The following STAU1 variants were observed in gnomAD, a reference collection of about 807,000 sequenced individuals.
The protein encoded by STAU1 is staufen double-stranded RNA binding protein 1.
STAU1 carries 13 observed loss-of-function variants against 62.9 expected under a neutral mutation model. That is an observed-to-expected ratio of 0.21 (90% CI 0.13 to 0.33). The LOEUF (loss-of-function observed/expected upper bound fraction) is 0.33, where lower values mean the gene tolerates loss of function less well. Among genes scored for constraint, STAU1 ranks in the 10% least tolerant of loss-of-function variants. STAU1 has a pLI of 1.00. For missense variants in STAU1, 571 were observed against 712.1 expected, an observed-to-expected ratio of 0.80 and a Z score of 2.25; for synonymous variants, 269 against 265.1, an observed-to-expected ratio of 1.01 and a Z score of -0.14.
intron 8 of STAU1, among the ~76,000 whole-genome samples, 172 bp from the exon 9 acceptor site, chr20:49,120,300 G>A (rs2092436416): frequency 6.6e-6 from 1 of 152,192 alleles, no homozygotes; most frequent in Non-Finnish European, 1.5e-5. Flanking sequence ...TCAGGAGTTT[G>A]GGAAGCTGGC....
chr20:49,208,930 C>CT, the STAU1 span, among the ~76,000 whole-genome samples: 104 of 144,872 alleles, frequency 7.2e-4, no homozygotes, highest in Non-Finnish European at 1.3e-3. Flanking sequence ...CCGATCCTGT[C>CT]TTTTTTTTTT....
intron 4 of STAU1, among the ~76,000 whole-genome samples, chr20:49,152,340 C>CT (rs3092547): frequency 0.34 from 35,124 of 103,816 alleles, 8,584 homozygotes; most frequent in African/African-American, 0.48. Context: ...CCACTAATGT[C>CT]TTTTTTTTTT....
intron 8 of STAU1, 31 bp downstream of exon 8, chr20:49,123,061 G>T: frequency 6.5e-7 from 1 of 1,546,918 alleles, no homozygotes; most frequent in Non-Finnish European, 8.7e-7. Flanking sequence ...GTGGTCAGAG[G>T]AAGGGGCGCC....
At chr20:49,191,309 G>T (rs1191609648), upstream of STAU1, among the ~76,000 whole-genome samples, 2 of 152,088 alleles carry the variant, frequency 1.3e-5, no homozygotes. Context: ...TTACAAGTGT[G>T]AATGTTAACC....
rs2092382205 is a variant in STAU1, at chr20:49,118,407, G to A, written c.1115C>T (p.Thr372Ile). The A allele has an allele frequency of 1.9e-6, 3 of 1,599,514 alleles. No homozygotes were observed. The highest frequency in any genetic ancestry group is 2.2e-5 in the East Asian group (1 of 44,744). Residue 372 changes from threonine to isoleucine, a missense_variant and splice_region_variant, in exon 10 of 14, where the codon ACA becomes ATA. This residue lies in a region of STAU1 where 414 missense variants were observed against 499.6 expected (regional missense o/e 0.83). Transcript: ENST00000371856. ...TCCATCCCCTGGTTTCTTTATGGGT[G>A]TCTTAAAAAAGAAGAAGAAAAAAAA... ...TKPALKSEEK[T>I]PIKKPGDGRK... is the part of the protein sequence containing the mutation.
chr20:49,211,073 T>C, the STAU1 span, among the ~76,000 whole-genome samples: 1 of 152,206 alleles, frequency 6.6e-6, no homozygotes, highest in Non-Finnish European at 1.5e-5. Flanking sequence ...TAAAATAATA[T>C]GTAACCTTTG....
chr20:49,120,135 A>G lies in STAU1; in HGVS notation c.967-7T>C, dbSNP rs1257500741. Reference sequence around the variant, plus strand: ...TGTGGTTTCCAACCTTCACCTGCACAAAGAAGTCAAAACACAGACCAGTGC... The same window carrying G: ...TGTGGTTTCCAACCTTCACCTGCACGAAGAAGTCAAAACACAGACCAGTGC... On this transcript the variant is annotated splice_polypyrimidine_tract_variant and splice_region_variant and intron_variant, in intron 8 of 13. Transcript: ENST00000371856. The G allele has an allele frequency of 1.2e-6, 2 of 1,611,448 alleles. No homozygotes were observed. The highest frequency in any genetic ancestry group is 1.7e-6 in the Non-Finnish European group (2 of 1,178,210).
chr20:49,206,719 T>TTTTA, the STAU1 span, among the ~76,000 whole-genome samples: 1 of 106,058 alleles, frequency 9.4e-6, no homozygotes, highest in African/African-American at 3.7e-5. Flanking sequence ...AAATGAAATT[T>TTTTA]TATATATATA....
At chr20:49,132,070 T>TG (rs981898709) in intron 6 of STAU1, among the ~76,000 whole-genome samples, 66 of 151,010 alleles carry the variant, frequency 4.4e-4, no homozygotes, top group African/African-American at 1.6e-3. Flanking sequence ...TAGCGGAGAA[T>TG]GGGGGGTAGG....
intron 7 of STAU1, 96 bp from the exon 8 acceptor site, chr20:49,123,331 G>A (rs2092512409): frequency 6.5e-7 from 1 of 1,535,896 alleles, no homozygotes; most frequent in Admixed American, 1.7e-5. Flanking sequence ...AAGAGATTTT[G>A]GGTTGACCTA....
chr20:49,203,974 C>T, the STAU1 span, among the ~76,000 whole-genome samples: 1 of 152,122 alleles, frequency 6.6e-6, no homozygotes, highest in African/African-American at 2.4e-5. Flanking sequence ...AGGGCCACCT[C>T]GCCTGGCCAG....
chr20:49,184,660 G>C (rs950460178), intron 1 of STAU1, among the ~76,000 whole-genome samples: 1 of 152,140 alleles, frequency 6.6e-6, no homozygotes, highest in African/African-American at 2.4e-5. Context: ...TATATTTATG[G>C]TAACAATTCT....
upstream of STAU1, among the ~76,000 whole-genome samples, chr20:49,190,570 CA>C (rs2069164116): frequency 6.6e-6 from 1 of 152,110 alleles, no homozygotes; most frequent in South Asian, 2.1e-4. Flanking sequence ...CTCAATCTTC[CA>C]AAGTACTGGG....
At chr20:49,128,771 TCCAA>T (rs1568839963) in intron 6 of STAU1, among the ~76,000 whole-genome samples, 2 of 27,188 alleles carry the variant, frequency 7.4e-5, no homozygotes, top group Non-Finnish European at 1.4e-4. Flanking sequence ...GACATCCAAA[TCCAA>T]AAAAAAAAAA....
At chr20:49,165,464 G>A (rs2093511354) in intron 3 of STAU1, among the ~76,000 whole-genome samples, 2 of 152,116 alleles carry the variant, frequency 1.3e-5, no homozygotes, top group South Asian at 4.1e-4. Context: ...TCAGCCTCCT[G>A]AGTAGCTGTT....
chr20:49,194,135 G>A, the STAU1 span, among the ~76,000 whole-genome samples: 10 of 151,782 alleles, frequency 6.6e-5, no homozygotes, highest in African/African-American at 2.2e-4. Context: ...TTAAATAGAA[G>A]AAAGGAAACT....
chr20:49,156,845 C>CA (rs1397472772), intron 3 of STAU1, among the ~76,000 whole-genome samples: 8 of 149,198 alleles, frequency 5.4e-5, no homozygotes, highest in Non-Finnish European at 7.4e-5. Flanking sequence ...TAAACAACAA[C>CA]AAAAAAAAGA....
intron 2 of STAU1, among the ~76,000 whole-genome samples, chr20:49,173,066 G>A (rs2093617701): frequency 6.6e-6 from 1 of 151,362 alleles, no homozygotes; most frequent in Non-Finnish European, 1.5e-5. Context: ...GGAGGGTCTC[G>A]ATCTCCTGAC....
intron 2 of STAU1, among the ~76,000 whole-genome samples, chr20:49,167,486 G>A (rs1465736675): frequency 3.3e-5 from 5 of 152,138 alleles, no homozygotes; most frequent in Admixed American, 6.6e-5. Context: ...AAACTCAAGC[G>A]AAATGTGACT....
Sources: allele counts gnomAD v4.1 joint callset (sites outside exome capture counted in the v4.1 genomes callset), GRCh38; gene constraint gnomAD v4.1.1; regional missense constraint gnomAD v4.1.1; transcripts MANE v1.5; gene names NCBI Gene and HGNC (gene_info 2026-07-23, HGNC 2026-07-21).